Variants in SLC26A9 observed in about 807,000 individuals in gnomAD.
The protein encoded by SLC26A9 is solute carrier family 26 member 9, also known as anion transporter/exchanger protein 9.
In SLC26A9, 46 loss-of-function variants were observed where a neutral mutation model predicts 87.1. The ratio of observed to expected loss-of-function variants is 0.53; its 90% CI spans 0.42 to 0.67. The LOEUF is 0.67. SLC26A9 is among the 30% of genes least tolerant of loss of function. SLC26A9 has a pLI of 0.00. For synonymous variants in SLC26A9, 437 were observed against 409.1 expected (o/e 1.07, Z -0.82); for missense variants, 927 against 1,018.3 (o/e 0.91, Z 1.22).
chr1:205,924,237 G>T, intron 13 of SLC26A9, 146 bp downstream of exon 13: 1 of 690,310 alleles, frequency 1.4e-6, no homozygotes, highest in Non-Finnish European at 2.4e-6. Context: ...GCTGGGTTGG[G>T]CTCTCTTTGG....
chr1:205,939,746 T>C (rs1436232721), intron 1 of SLC26A9, among the ~76,000 whole-genome samples: 1 of 151,948 alleles, frequency 6.6e-6, no homozygotes, highest in African/African-American at 2.4e-5. Context: ...TGCCAGATGC[T>C]ACATTAGGGG....
chr1:205,923,295 C>G, intron 15 of SLC26A9, 40 bp downstream of exon 15: 2 of 1,612,980 alleles, frequency 1.2e-6, no homozygotes, highest in Non-Finnish European at 1.7e-6. Flanking sequence ...TCCGGCCACT[C>G]TCTGTCCAGA....
chr1:205,933,180 G>A, intron 2 of SLC26A9, 96 bp from the exon 3 acceptor site: 1 of 1,523,918 alleles, frequency 6.6e-7, no homozygotes, highest in Non-Finnish European at 8.9e-7. Context: ...TTCATTCATT[G>A]GTTCATTCAA....
chr1:205,919,728 G>T (rs1378948768), intron 18 of SLC26A9, among the ~76,000 whole-genome samples: 1 of 152,116 alleles, frequency 6.6e-6, no homozygotes, highest in Non-Finnish European at 1.5e-5. Context: ...CTACAAAACT[G>T]CATATTTATA....
intron 1 of SLC26A9, among the ~76,000 whole-genome samples, chr1:205,939,069 C>G (rs1659634703): frequency 6.6e-6 from 1 of 152,190 alleles, no homozygotes; most frequent in African/African-American, 2.4e-5. Context: ...TCTGCCCATC[C>G]CAGGAATAGG....
rs1415329035 is a variant in SLC26A9 at position 205,940,636 on chromosome 1, A to G, written c.-19+2729T>C. On this transcript the variant is annotated intron_variant, in intron 1 of 20. Coordinates refer to ENST00000367135, the MANE Select transcript of SLC26A9 (RefSeq NM_052934.4). Reference sequence around the variant, plus strand: ...CCCTATACCTGCTGCCCCATGCCTTAACCCCTCCAAATTTTCCCAGGACTT... The same window carrying G: ...CCCTATACCTGCTGCCCCATGCCTTGACCCCTCCAAATTTTCCCAGGACTT... Among the ~76,000 whole-genome samples the G allele has an allele frequency of 5.3e-5, 8 of 152,098 alleles. No individual in the cohort carries two copies. In the East Asian group the frequency reaches 1.5e-3, roughly 29 times the overall value.
intron 20 of SLC26A9, among the ~76,000 whole-genome samples, 168 bp downstream of exon 20, chr1:205,917,115 A>AG (rs1658625542): frequency 6.7e-6 from 1 of 148,932 alleles, no homozygotes; most frequent in African/African-American, 2.5e-5. Context: ...AAAAAAAAAG[A>AG]AAAGGAAAAG....
At position 205,915,360 on chromosome 1, in the gene SLC26A9, C is replaced by G. The variant is rs757844070; in HGVS notation, c.2373G>C (p.Leu791=). ...SMFHAETLTA[L] ...AGCATGAGGACTGGCTGAGCCCTCACAGGGCGGTCAGGGTCTCTGCGTGAA... is the reference window on the plus strand; with the variant it reads ...AGCATGAGGACTGGCTGAGCCCTCAGAGGGCGGTCAGGGTCTCTGCGTGAA... Residue 791 remains leucine, a synonymous_variant, in exon 21 of 21, where the codon CTG becomes CTC. Transcript: ENST00000367135. The G allele has an allele frequency of 6.2e-7, 1 of 1,614,162 alleles. No individual in the cohort carries two copies. Among genetic ancestry groups the G allele is most frequent in the South Asian group, 1.1e-5 (1 of 91,088 alleles).
rs77866610 is a variant in SLC26A9, at chr1:205,932,436, A to G, written c.376+266T>C. Reference sequence around the variant, plus strand: ...CACATCTGTTTAAGCATGTTATAGCATATGGTATATCTTGTTCTGCTAAGT... The same window carrying G: ...CACATCTGTTTAAGCATGTTATAGCGTATGGTATATCTTGTTCTGCTAAGT... On this transcript the variant is annotated intron_variant, in intron 4 of 20. Coordinates refer to ENST00000367135, the MANE Select transcript of SLC26A9 (RefSeq NM_052934.4). Among the ~76,000 whole-genome samples, 1,012 of 152,326 alleles carry G rather than the reference A, an allele frequency of 6.6e-3. 7 individuals are homozygous for G. Among genetic ancestry groups the G allele is most frequent in the Non-Finnish European group, 9.3e-3 (631 of 68,026 alleles).
chr1:205,920,248 G>T lies in SLC26A9; in HGVS notation c.2056-18C>A. 1.2e-6 allele frequency: 2 copies of T among 1,613,904 alleles called. No homozygotes were observed. The highest frequency in any genetic ancestry group is 1.7e-6 in the Non-Finnish European group (2 of 1,179,798). On this transcript the variant is annotated intron_variant, in intron 17 of 20. Transcript: ENST00000367135. ...GAGCTCAGCTAGAAGTGTTGTTGGG[G>T]TAGGGAGGCAAAAGGAAAGGAATGT...
chr1:205,932,222 C>A (rs1160152387), intron 4 of SLC26A9, among the ~76,000 whole-genome samples, 187 bp from the exon 5 acceptor site: 2 of 152,180 alleles, frequency 1.3e-5, no homozygotes, highest in Non-Finnish European at 2.9e-5. Context: ...GTGCTTTTAC[C>A]CCAATGGTCA....
chr1:205,923,829 T>C (rs1658948960), intron 13 of SLC26A9, among the ~76,000 whole-genome samples: 1 of 152,050 alleles, frequency 6.6e-6, no homozygotes, highest in African/African-American at 2.4e-5. Flanking sequence ...TTGACATAGC[T>C]CCCAGACCAC....
chr1:205,915,463 C>A, intron 20 of SLC26A9, 59 bp from the exon 21 acceptor site: 2 of 1,611,506 alleles, frequency 1.2e-6, no homozygotes, highest in South Asian at 2.2e-5. Flanking sequence ...CAGTTGGGGT[C>A]ACAGTGGCTG....
In SLC26A9 at chr1:205,932,034, A is replaced by T; in HGVS notation, c.378T>A (p.Gly126=). 1 of 1,614,006 alleles carries T rather than the reference A, an allele frequency of 6.2e-7. No individual in the cohort carries two copies. The highest frequency in any genetic ancestry group is 8.5e-7 in the Non-Finnish European group (1 of 1,179,908). Residue 126 remains glycine (G), a splice_region_variant and synonymous_variant, in exon 5 of 21, where the codon GGT becomes GGA. Coordinates refer to ENST00000367135, the MANE Select transcript of SLC26A9 (RefSeq NM_052934.4). ...CCAGGATGCTGATAACGGCAAAGGT[A>T]CCTGTGGTGCCCCACCCAGCCAGCA... ...FLGGVHQMVP[G]TFAVISILVG... is the part of the protein sequence containing the mutation.
chr1:205,934,903 C>T (rs569162707), intron 2 of SLC26A9, among the ~76,000 whole-genome samples: 2 of 152,194 alleles, frequency 1.3e-5, no homozygotes, highest in Non-Finnish European at 2.9e-5. Context: ...CCGGCCTGAA[C>T]CAGTTCCACC....
rs764077070 is a variant in SLC26A9, at chr1:205,928,847, G to A, written c.933C>T (p.Ile311=). ...CTCACCCGCGTTGGATTTCTCCCAC[G>A]ATCTGCATGTGATACTTTTTGGGCA... ...CKMPKKYHMQ[I]VGEIQRGFPT... The change falls in exon 8 of 21, where the codon ATC becomes ATT. Residue 311 remains isoleucine, a synonymous_variant. Coordinates refer to ENST00000367135, the MANE Select transcript of SLC26A9 (RefSeq NM_052934.4). 38 of 1,614,142 alleles carry A rather than the reference G, an allele frequency of 2.4e-5. No homozygotes were observed. In the Admixed American group the frequency reaches 4.3e-4, roughly 18 times the overall value.
Position 205,914,830 on chromosome 1 carries a change from C to T in SLC26A9, c.*527G>A. 1.3e-6 allele frequency: 2 copies of T among 1,558,124 alleles called. No homozygotes were observed. The highest frequency in any genetic ancestry group is 8.7e-7 in the Non-Finnish European group (1 of 1,148,876). On this transcript the variant is annotated 3_prime_UTR_variant, in exon 21 of 21. Coordinates refer to ENST00000367135, the MANE Select transcript of SLC26A9 (RefSeq NM_052934.4). ...GAGCACATGGTCCCTGGGTGCAGAG[C>T]TGCCAGAGACAGAGTTGAGGCAGCT...
At chr1:205,943,059 C>T (rs187389086) in intron 1 of SLC26A9, among the ~76,000 whole-genome samples, 9 of 152,308 alleles carry the variant, frequency 5.9e-5, no homozygotes, top group African/African-American at 9.6e-5. Context: ...TTTTCCTTTC[C>T]CTCGGAGGCC....
rs1659208455 is a variant in SLC26A9 at position 205,929,254 on chromosome 1, C to A, written c.820G>T (p.Ala274Ser). Residue 274 changes from alanine (A) to serine (S), a missense_variant, in exon 7 of 21, where the codon GCT (alanine) becomes TCT (serine). Coordinates refer to ENST00000367135, the MANE Select transcript of SLC26A9 (RefSeq NM_052934.4). ...AFLVLVKELN[A>S]RYMHKIRFPI... is the part of the protein sequence containing the mutation. ...AAGCGAATCTTGTGCATGTAGCGAG[C>A]ATTGAGCTCCTTCACCAGCACCAGG... 1.2e-6 allele frequency: 2 copies of A among 1,614,224 alleles called. No homozygotes were observed. The highest frequency in any genetic ancestry group is 1.7e-6 in the Non-Finnish European group (2 of 1,180,050).
Sources: allele counts gnomAD v4.1 joint callset (sites outside exome capture counted in the v4.1 genomes callset), GRCh38; gene constraint gnomAD v4.1.1; transcripts MANE v1.5; gene names NCBI Gene and HGNC (gene_info 2026-07-23, HGNC 2026-07-21).